OPRM1: variants seen among roughly 807,000 people sequenced by gnomAD.
OPRM1 encodes the protein opioid receptor mu 1.
In OPRM1, 27 loss-of-function variants were observed where a neutral mutation model predicts 31.8. The ratio of observed to expected loss-of-function variants is 0.85; its 90% CI spans 0.63 to 1.17. The LOEUF (loss-of-function observed/expected upper bound fraction) is 1.17. Ranked by LOEUF, OPRM1 falls within the 50% of genes most tolerant of loss-of-function variation. OPRM1 has a pLI of 0.00. For synonymous variants in OPRM1, 196 were observed against 189.9 expected, an observed-to-expected ratio of 1.03 and a Z score of -0.26; for missense variants, 536 against 511.1, an observed-to-expected ratio of 1.05 and a Z score of -0.47.
intron 3 of OPRM1, among the ~76,000 whole-genome samples, chr6:154,219,985 AGTGT>A (rs57450665): frequency 0.21 from 29,342 of 139,810 alleles, 3,083 homozygotes; most frequent in Admixed American, 0.33. Flanking sequence ...ACCTGTAAGG[AGTGT>A]GTGTGTGTGT....
rs200986335 is a variant in OPRM1, at chr6:154,091,211, C to T, written c.903C>T (p.Tyr301=). ...FIVCWTPIHI[Y]VIIKALVTIP... is the part of the protein sequence containing the mutation. Reference sequence around the variant, plus strand: ...TCTGCTGGACTCCCATTCACATTTACGTCATCATTAAAGCCTTGGTTACAA... The same window carrying T: ...TCTGCTGGACTCCCATTCACATTTATGTCATCATTAAAGCCTTGGTTACAA... Residue 301 remains tyrosine, a synonymous_variant, in exon 3 of 4, where the codon TAC becomes TAT. Coordinates refer to ENST00000330432, the MANE Select transcript of OPRM1 (RefSeq NM_000914.5). The T allele has an allele frequency of 3.5e-5, 57 of 1,614,054 alleles. No homozygotes were observed. Among genetic ancestry groups the T allele is most frequent in the African/African-American group, 1.5e-4 (11 of 74,906 alleles).
chr6:154,150,355 T>C (rs1036091563), intron 3 of OPRM1, among the ~76,000 whole-genome samples: 2 of 152,244 alleles, frequency 1.3e-5, no homozygotes, highest in Admixed American at 1.3e-4. Context: ...AGGTGTTGTG[T>C]CCTGGTTCCT....
chr6:154,092,494 A>G (rs1440157660), intron 3 of OPRM1, among the ~76,000 whole-genome samples: 2 of 152,228 alleles, frequency 1.3e-5, no homozygotes, highest in African/African-American at 4.8e-5. Context: ...AATCTTGGCT[A>G]AAGTTCCTAG....
Position 154,122,888 on chromosome 6 carries a change from G to A in OPRM1, c.*4167G>A, listed in dbSNP as rs1797378456. 6.6e-6 allele frequency among the ~76,000 whole-genome samples: 1 copy of A among 152,186 alleles called. No individual in the cohort carries two copies. Among genetic ancestry groups the A allele is most frequent in the Non-Finnish European group, 1.5e-5 (1 of 68,024 alleles). ...GGGTTCTTGGACCTCATGCAAGAAA[G>A]AATTCAGGAGTAAAGTGAAAGTGAA... On this transcript the variant is annotated 3_prime_UTR_variant, in exon 4 of 4. Transcript: ENST00000330432.
intron 1 of OPRM1, 66 bp downstream of exon 1, chr6:154,039,900 AACTCCC>A: frequency 7.1e-7 from 1 of 1,417,670 alleles, no homozygotes; most frequent in Non-Finnish European, 9.5e-7. Flanking sequence ...AGAGACACCT[AACTCCC>A]AAGGCTCAAT....
Position 154,119,544 on chromosome 6 carries a change from G to T in OPRM1, c.*823G>T. 1 of 575,720 alleles carries T rather than the reference G, an allele frequency of 1.7e-6. No individual in the cohort carries two copies. Among genetic ancestry groups the T allele is most frequent in the Non-Finnish European group, 2.2e-6 (1 of 455,884 alleles). The allele number at this position is 575,720 out of a possible 1,614,324, so 35.7% of individuals were successfully genotyped here. A position where few individuals can be genotyped will look rare whatever the true frequency, so the allele number is the denominator to read the frequency against. On this transcript the variant is annotated 3_prime_UTR_variant, in exon 4 of 4. Transcript: ENST00000330432. ...ATGAGCTCATCACTTCATCCATGCA[G>T]GAAGTCAAGCATTAAAATGTACTCT... is the stretch of plus-strand genomic sequence containing the variant.
At chr6:154,229,635 C>T (rs914769383) in intron 3 of OPRM1, among the ~76,000 whole-genome samples, 4 of 152,016 alleles carry the variant, frequency 2.6e-5, no homozygotes, top group Admixed American at 6.5e-5. Context: ...GGATTACAGG[C>T]GTGAGCCACC....
Position 154,102,840 on chromosome 6 carries a change from C to T in OPRM1, c.1164+11368C>T, listed in dbSNP as rs924829366. Among the ~76,000 whole-genome samples, 24 of 151,196 alleles carry T rather than the reference C, an allele frequency of 1.6e-4. 1 individual carries two copies. Among genetic ancestry groups the T allele is most frequent in the Admixed American group, 1.3e-3 (19 of 15,088 alleles). Reference sequence around the variant, plus strand: ...GCTTGAGAAAATTGGAACCAAACCCCAGGTGTCCTGACTTTAGTCTGATCC... The same window carrying T: ...GCTTGAGAAAATTGGAACCAAACCCTAGGTGTCCTGACTTTAGTCTGATCC... On this transcript the variant is annotated intron_variant, in intron 3 of 3. Coordinates refer to ENST00000330432, the MANE Select transcript of OPRM1 (RefSeq NM_000914.5).
intron 1 of OPRM1, among the ~76,000 whole-genome samples, chr6:154,064,966 A>G (rs1583315945): frequency 6.6e-6 from 1 of 152,092 alleles, no homozygotes; most frequent in Non-Finnish European, 1.5e-5. Context: ...TATTTTGGCC[A>G]TAGTGTTTAA....
Position 154,129,944 on chromosome 6 carries a change from A to G in OPRM1, c.*11223A>G, listed in dbSNP as rs925079773. On this transcript the variant is annotated 3_prime_UTR_variant, in exon 4 of 4. Coordinates refer to ENST00000330432, the MANE Select transcript of OPRM1 (RefSeq NM_000914.5). The stretch of plus-strand genomic sequence containing the variant: ...ATAGTTGTAATCAAAATAAAATGCA[A>G]TCAATACTAAAATACAATTTACCAA... Among the ~76,000 whole-genome samples, 8 of 151,958 alleles carry G rather than the reference A, an allele frequency of 5.3e-5. No individual in the cohort carries two copies. The highest frequency in any genetic ancestry group is 1.2e-4 in the African/African-American group (5 of 41,338).
chr6:154,076,994 T>C (rs1419847642), intron 1 of OPRM1, among the ~76,000 whole-genome samples: 5 of 152,048 alleles, frequency 3.3e-5, no homozygotes, highest in Non-Finnish European at 7.4e-5. Context: ...AAATTGCGGT[T>C]AAGAGAGGGC....
intron 1 of OPRM1, among the ~76,000 whole-genome samples, chr6:154,082,771 A>G (rs1361123064): frequency 1.3e-5 from 2 of 152,208 alleles, no homozygotes. Flanking sequence ...TTCTCTGTAA[A>G]CCAAAAATCT....
chr6:154,183,592 C>T (rs995452801), intron 3 of OPRM1, among the ~76,000 whole-genome samples: 1 of 152,142 alleles, frequency 6.6e-6, no homozygotes, highest in Non-Finnish European at 1.5e-5. Flanking sequence ...AACTACCATA[C>T]TGACAAAGTG....
intron 3 of OPRM1, among the ~76,000 whole-genome samples, chr6:154,234,548 C>T (rs1463446972): frequency 6.6e-6 from 1 of 152,222 alleles, no homozygotes; most frequent in Non-Finnish European, 1.5e-5. Context: ...ACAACAATCC[C>T]TCCTTACTAT....
intron 3 of OPRM1, among the ~76,000 whole-genome samples, chr6:154,243,476 A>G (rs1286347484): frequency 6.6e-6 from 1 of 152,212 alleles, no homozygotes; most frequent in Non-Finnish European, 1.5e-5. Context: ...AAGGTAGACT[A>G]TGCATTGGGT....
intron 1 of OPRM1, among the ~76,000 whole-genome samples, chr6:154,070,752 G>A (rs148470393): frequency 7.9e-5 from 12 of 152,054 alleles, no homozygotes; most frequent in African/African-American, 2.7e-4. Flanking sequence ...ATGCTGGACC[G>A]TTTTACTCCT....
chr6:154,159,284 A>T (rs546759602), intron 3 of OPRM1: 1 of 158,454 alleles, frequency 6.3e-6, no homozygotes, highest in African/African-American at 2.4e-5. Context: ...ATTTCTCATC[A>T]CATGGAAAAG....
chr6:154,219,182 A>T (rs1199368775), intron 3 of OPRM1: 1 of 152,222 alleles, frequency 6.6e-6, no homozygotes, highest in Non-Finnish European at 1.5e-5. Flanking sequence ...ACGGATTCAG[A>T]TAAACATGGA....
intron 3 of OPRM1, among the ~76,000 whole-genome samples, chr6:154,106,903 T>A (rs543200861): frequency 6.6e-6 from 1 of 152,348 alleles, no homozygotes; most frequent in South Asian, 2.1e-4. Context: ...TCTACATTTT[T>A]AAGATGTTTT....
Sources: gnomAD v4.1 joint callset for allele counts (sites outside exome capture counted in the v4.1 genomes callset) on GRCh38, gnomAD v4.1.1 for gene constraint, MANE v1.5 for transcripts, NCBI Gene and HGNC (gene_info 2026-07-23, HGNC 2026-07-21) for gene names.